The following AP3B1 variants were observed in gnomAD, a reference collection of about 807,000 sequenced individuals.
The protein encoded by AP3B1 is adaptor related protein complex 3 subunit beta 1, also known as AP-3 complex subunit beta-1.
A neutral mutation model predicts 132.5 loss-of-function variants in AP3B1; 61 were observed. That is an observed-to-expected ratio of 0.46 (90% CI 0.37 to 0.57). The LOEUF (loss-of-function observed/expected upper bound fraction) is 0.57, where lower values mean the gene tolerates loss of function less well. Among genes scored for constraint, AP3B1 ranks in the 20% least tolerant of loss-of-function variants. The pLI, the probability that AP3B1 is intolerant of heterozygous loss-of-function variation, is 0.00. For synonymous variants in AP3B1, 388 were observed against 438.3 expected (o/e 0.89, Z 1.43); for missense variants, 1,120 against 1,289.4 (o/e 0.87, Z 2.01).
intron 19 of AP3B1, among the ~76,000 whole-genome samples, chr5:78,111,500 G>T (rs772655031): frequency 6.6e-6 from 1 of 152,100 alleles, no homozygotes; most frequent in Non-Finnish European, 1.5e-5. Flanking sequence ...AAATTATAGC[G>T]TGTCAGGAGA....
At chr5:78,205,772 T>C (rs907678173) in intron 7 of AP3B1, among the ~76,000 whole-genome samples, 6 of 152,128 alleles carry the variant, frequency 3.9e-5, no homozygotes, top group Admixed American at 2.6e-4. Flanking sequence ...AGCCCCATGC[T>C]AGACAAGTAC....
chr5:78,087,836 G>A (rs1038081725), intron 22 of AP3B1, among the ~76,000 whole-genome samples: 9 of 152,064 alleles, frequency 5.9e-5, no homozygotes, highest in Non-Finnish European at 1.2e-4. Context: ...ATCACATATC[G>A]TATCACTTTG....
chr5:78,065,245 C>T (rs1452491241), intron 22 of AP3B1, among the ~76,000 whole-genome samples: 1 of 152,210 alleles, frequency 6.6e-6, no homozygotes, highest in Non-Finnish European at 1.5e-5. Flanking sequence ...GGGTCCCAAG[C>T]ACAGCTGTGC....
intron 22 of AP3B1, among the ~76,000 whole-genome samples, chr5:78,075,506 CACGGA>C (rs1431338494): frequency 6.6e-6 from 1 of 152,202 alleles, no homozygotes; most frequent in African/African-American, 2.4e-5. Context: ...ATCCCTAACT[CACGGA>C]AGAGTTGTAA....
chr5:78,092,092 T>C (rs1750541309), intron 21 of AP3B1, among the ~76,000 whole-genome samples: 1 of 152,246 alleles, frequency 6.6e-6, no homozygotes, highest in African/African-American at 2.4e-5. Flanking sequence ...AGGTAAGTTC[T>C]AAATGCATGT....
intron 21 of AP3B1, 76 bp downstream of exon 21, chr5:78,100,877 G>A: frequency 2.4e-6 from 2 of 847,048 alleles, no homozygotes; most frequent in East Asian, 2.7e-5. Context: ...TTTGGGACAT[G>A]TAAATGAAAG....
intron 3 of AP3B1, among the ~76,000 whole-genome samples, chr5:78,239,712 G>C (rs558257251): frequency 4.8e-5 from 7 of 146,222 alleles, no homozygotes; most frequent in Non-Finnish European, 8.9e-5. Context: ...CCAGGAGGTC[G>C]AGGCTGTAGT....
chr5:78,135,331 A>G (rs147540776), intron 15 of AP3B1, among the ~76,000 whole-genome samples: 8 of 152,344 alleles, frequency 5.3e-5, no homozygotes, highest in Admixed American at 3.3e-4. Context: ...AAAGTTGCAA[A>G]CATATACATA....
intron 7 of AP3B1, among the ~76,000 whole-genome samples, chr5:78,187,735 T>A (rs567705928): frequency 6.6e-6 from 1 of 152,102 alleles, no homozygotes; most frequent in Non-Finnish European, 1.5e-5. Flanking sequence ...AAAAACTATT[T>A]TAAAATTCAT....
rs1417794831 is a variant in AP3B1 at position 78,180,870 on chromosome 5, TA to T, written c.942+636del. On this transcript the variant is annotated intron_variant, in intron 8 of 26. Coordinates refer to ENST00000255194, the MANE Select transcript of AP3B1 (RefSeq NM_003664.5). ...TTTAGTTTTGCTAGCCTGTAATTTC[TA>T]ATTTTGTATTGTGCACATGTATTCT... Among the ~76,000 whole-genome samples, 4 of 152,126 alleles carry T rather than the reference TA, an allele frequency of 2.6e-5. No individual in the cohort carries two copies. The East Asian group carries it at 7.7e-4, about 29-fold the overall frequency.
chr5:78,180,242 T>C (rs1045362480), intron 8 of AP3B1, among the ~76,000 whole-genome samples: 2 of 152,092 alleles, frequency 1.3e-5, no homozygotes, highest in African/African-American at 4.8e-5. Context: ...AACTTGGATA[T>C]ACAAAGCTGT....
intron 7 of AP3B1, among the ~76,000 whole-genome samples, chr5:78,184,686 C>CAA (rs772722596): frequency 1.8e-5 from 2 of 110,528 alleles, no homozygotes; most frequent in Non-Finnish European, 1.9e-5. Context: ...GACACTGTCT[C>CAA]AAAAAAAAAA....
intron 21 of AP3B1, among the ~76,000 whole-genome samples, 169 bp from the exon 22 acceptor site, chr5:78,089,668 G>A (rs1011685390): frequency 1.3e-5 from 2 of 152,122 alleles, no homozygotes; most frequent in African/African-American, 4.8e-5. Flanking sequence ...AGTCATGGCA[G>A]TTATTAGTCT....
At position 78,173,329 on chromosome 5, in the gene AP3B1, GTTGATTTGTCTAATA is replaced by G. The variant is rs1744005677; in HGVS notation, c.1167+2282_1167+2296del. ...GATATCCTTGTTAACCTTCTGTCTCGTTGATTTGTCTAATATTGACAGTGGGGTGTTAAAGTCTCC... is the reference window on the plus strand; with the variant it reads ...GATATCCTTGTTAACCTTCTGTCTCGTTGACAGTGGGGTGTTAAAGTCTCC... On this transcript the variant is annotated intron_variant, in intron 11 of 26. Transcript: ENST00000255194. Among the ~76,000 whole-genome samples, 4 of 152,220 alleles carry G rather than the reference GTTGATTTGTCTAATA, an allele frequency of 2.6e-5. No individual in the cohort carries two copies. The South Asian group carries it at 8.3e-4, about 32-fold the overall frequency.
chr5:78,237,770 G>A (rs1746943269), intron 3 of AP3B1, among the ~76,000 whole-genome samples: 1 of 152,140 alleles, frequency 6.6e-6, no homozygotes, highest in South Asian at 2.1e-4. Flanking sequence ...CCAAGATCGT[G>A]CCACTGCACT....
chr5:78,034,241 C>A (rs910495516), intron 24 of AP3B1, 120 bp downstream of exon 24: 21 of 797,664 alleles, frequency 2.6e-5, no homozygotes, highest in Non-Finnish European at 4.6e-5. Flanking sequence ...ATTATCAAAG[C>A]AAAACATATT....
At chr5:78,200,774 G>A (rs1745257657) in intron 7 of AP3B1, among the ~76,000 whole-genome samples, 2 of 152,116 alleles carry the variant, frequency 1.3e-5, no homozygotes, top group Non-Finnish European at 2.9e-5. Context: ...GTTACCAAAT[G>A]TTGGTGAGGA....
chr5:78,218,153 T>C (rs79809561), intron 6 of AP3B1, among the ~76,000 whole-genome samples: 5,445 of 152,244 alleles, frequency 0.036, 170 homozygotes, highest in East Asian at 0.13. Flanking sequence ...CTTAATCATA[T>C]AGTTTTAACA....
In AP3B1 at chr5:78,226,744, A is replaced by G; in HGVS notation, c.536+628T>C. Among the ~76,000 whole-genome samples the G allele has an allele frequency of 1.3e-5, 2 of 152,176 alleles. 1 individual carries two copies. Among genetic ancestry groups the G allele is most frequent in the Non-Finnish European group, 2.9e-5 (2 of 67,986 alleles). ...TCAAAAAGCTTGAGGAATAAATGAT[A>G]GCTGAAAATAATACCAAATTGTTGT... On this transcript the variant is annotated intron_variant, in intron 5 of 26. Transcript: ENST00000255194.
Sources: allele counts gnomAD v4.1 joint callset (sites outside exome capture counted in the v4.1 genomes callset), GRCh38; gene constraint gnomAD v4.1.1; transcripts MANE v1.5; gene names NCBI Gene and HGNC (gene_info 2026-07-23, HGNC 2026-07-21).